The following LRRC34 variants were observed in gnomAD, a reference collection of about 807,000 sequenced individuals.
LRRC34 encodes the protein leucine-rich repeat-containing protein 34.
A neutral mutation model predicts 48.5 loss-of-function variants in LRRC34; 44 were observed. The ratio of observed to expected loss-of-function variants is 0.91; its 90% CI spans 0.71 to 1.17. LRRC34 has a LOEUF of 1.17. LRRC34 is among the 50% of genes most tolerant of loss of function. The probability of loss-of-function intolerance (pLI) is 0.00; values close to 1 mark genes in which losing one functional copy is unlikely to be tolerated. For synonymous variants in LRRC34, 192 were observed against 197.6 expected (o/e 0.97, Z 0.24); for missense variants, 502 against 563.0 (o/e 0.89, Z 1.10).
At chr3:169,811,633 GACTT>G (rs1383870527) in intron 1 of LRRC34, among the ~76,000 whole-genome samples, 1 of 152,196 alleles carries the variant, frequency 6.6e-6, no homozygotes, top group Non-Finnish European at 1.5e-5. Context: ...CCAGAGAGAG[GACTT>G]ACTTAGGAGG....
chr3:169,806,217 G>A (rs917775820), intron 5 of LRRC34, among the ~76,000 whole-genome samples: 9 of 152,162 alleles, frequency 5.9e-5, no homozygotes, highest in Admixed American at 5.2e-4. Context: ...GTTAGGACAC[G>A]TGGATATACA....
chr3:169,812,570 A>C lies in LRRC34; in HGVS notation c.-22T>G, dbSNP rs575371549. 7.5e-6 allele frequency: 11 copies of C among 1,463,124 alleles called. No individual in the cohort carries two copies. Among genetic ancestry groups the C allele is most frequent in the African/African-American group, 1.5e-5 (1 of 68,286 alleles). 90.6% of individuals were successfully genotyped at this position (1,463,124 alleles called of 1,614,324 possible). A position where few individuals can be genotyped will look rare whatever the true frequency, so the allele number is the denominator to read the frequency against. ...CCATGGCGACCGCGCGCGCACTTACAGTCCGCCTGCAGCTGTGAGGCGGCT... is the reference window on the plus strand; with the variant it reads ...CCATGGCGACCGCGCGCGCACTTACCGTCCGCCTGCAGCTGTGAGGCGGCT... On this transcript the variant is annotated 5_prime_UTR_variant, in exon 1 of 11. Transcript: ENST00000446859. The surrounding 1 kb of genome is among the most constrained non-coding windows in gnomAD (Gnocchi z 4.3).
intron 6 of LRRC34, among the ~76,000 whole-genome samples, chr3:169,801,656 T>C (rs1779197406): frequency 6.6e-6 from 1 of 152,228 alleles, no homozygotes; most frequent in Admixed American, 6.5e-5. Context: ...CATAAGCTTC[T>C]CTACTTTTAC....
At chr3:169,805,357 G>T (rs944784774) in intron 5 of LRRC34, among the ~76,000 whole-genome samples, 12 of 151,798 alleles carry the variant, frequency 7.9e-5, no homozygotes, top group Non-Finnish European at 1.5e-5. Flanking sequence ...TGCTAACAAT[G>T]AACAACCTAA....
chr3:169,811,810 C>CT (rs763750783), intron 1 of LRRC34, among the ~76,000 whole-genome samples: 6 of 152,208 alleles, frequency 3.9e-5, no homozygotes, highest in Non-Finnish European at 8.8e-5. Context: ...AAGGCAGAGC[C>CT]TAACACTGCC....
chr3:169,800,138 G>A (rs1779140346), intron 7 of LRRC34, among the ~76,000 whole-genome samples: 1 of 152,168 alleles, frequency 6.6e-6, no homozygotes, highest in Admixed American at 6.5e-5. Context: ...CTGTTTACAA[G>A]TGATAGGAGA....
Position 169,799,299 on chromosome 3 carries a change from C to G in LRRC34, c.753+1360G>C, listed in dbSNP as rs540359653. On this transcript the variant is annotated intron_variant, in intron 7 of 10. Coordinates refer to ENST00000446859, the MANE Select transcript of LRRC34 (RefSeq NM_001172779.2). ...TATCATTAATTCTCAGTGATTCATA[C>G]TAAGGGGGAACAATGAAGTAGATAA... Among the ~76,000 whole-genome samples the G allele has an allele frequency of 1.7e-3, 266 of 152,248 alleles. 1 individual carries two copies. Among genetic ancestry groups the G allele is most frequent in the African/African-American group, 6.0e-3 (250 of 41,552 alleles).
At chr3:169,803,956 G>C in intron 6 of LRRC34, 97 bp downstream of exon 6, 2 of 1,212,258 alleles carry the variant, frequency 1.6e-6, no homozygotes, top group Non-Finnish European at 2.2e-6. Context: ...TCTGATATTA[G>C]ACATAAGAGG....
In LRRC34 at chr3:169,808,526, A is replaced by T. The variant is rs549461029; in HGVS notation, c.257+102T>A. On this transcript the variant is annotated intron_variant, in intron 2 of 10. Transcript: ENST00000446859. ...ATCAAATGGTATGTTCATTTTACCA[A>T]GCATTTTCAAATGGCTATAAAATCA... is the stretch of plus-strand genomic sequence containing the variant. 13 of 672,534 alleles carry T rather than the reference A, an allele frequency of 1.9e-5. No individual in the cohort carries two copies. The South Asian group carries it at 2.2e-4, about 12-fold the overall frequency. 41.7% of individuals were successfully genotyped at this position (672,534 alleles called of 1,614,324 possible).
chr3:169,808,860 G>A, intron 1 of LRRC34, 115 bp from the exon 2 acceptor site: 1 of 594,120 alleles, frequency 1.7e-6, no homozygotes. Context: ...GTGGGGGTAG[G>A]GAAGAAAAGG....
intron 7 of LRRC34, among the ~76,000 whole-genome samples, chr3:169,800,316 C>T (rs1025181612): frequency 1.3e-5 from 2 of 152,202 alleles, no homozygotes; most frequent in African/African-American, 4.8e-5. Context: ...AAACAGTTCA[C>T]ACTGGGCTCT....
In LRRC34 at chr3:169,795,627, C is replaced by T. The variant is rs1311523556; in HGVS notation, c.1065-16G>A. On this transcript the variant is annotated splice_polypyrimidine_tract_variant and intron_variant, in intron 9 of 10. Transcript: ENST00000446859. ...TACTGACAACCTGAAACCAATAATT[C>T]CACAAGGAAAGAATACAAAAATTAG... 2 of 1,601,792 alleles carry T rather than the reference C, an allele frequency of 1.2e-6. No homozygotes were observed. Among genetic ancestry groups the T allele is most frequent in the Non-Finnish European group, 1.7e-6 (2 of 1,171,788 alleles).
chr3:169,793,375 T>C lies in LRRC34; in HGVS notation c.*260A>G, dbSNP rs1363263059. 3.3e-6 allele frequency: 1 copy of C among 300,706 alleles called. No individual in the cohort carries two copies. Among genetic ancestry groups the C allele is most frequent in the Non-Finnish European group, 6.1e-6 (1 of 164,864 alleles). 18.6% of individuals were successfully genotyped at this position (300,706 alleles called of 1,614,324 possible). ...TCACTACTTGGTTATATTTTCATTATAAAAAGAAATTTAGTCTAGTTCCTT... is the reference window on the plus strand; with the variant it reads ...TCACTACTTGGTTATATTTTCATTACAAAAAGAAATTTAGTCTAGTTCCTT... On this transcript the variant is annotated 3_prime_UTR_variant, in exon 11 of 11. Coordinates refer to ENST00000446859, the MANE Select transcript of LRRC34 (RefSeq NM_001172779.2).
At chr3:169,803,580 G>A (rs558897677) in intron 6 of LRRC34, among the ~76,000 whole-genome samples, 77 of 152,242 alleles carry the variant, frequency 5.1e-4, no homozygotes, top group African/African-American at 1.4e-3. Context: ...ACAGGCTTCC[G>A]CCACCAGGCC....
chr3:169,796,832 C>T lies in LRRC34; in HGVS notation c.821G>A (p.Cys274Tyr). The change falls in exon 8 of 11, where the codon TGT becomes TAT. Residue 274 changes from cysteine to tyrosine, a missense_variant. Transcript: ENST00000446859. ...ACCACTGTTTTTTATATCATGCTTA[C>T]ACATGTGTAGTGCAACAAGACAGTG... is the stretch of plus-strand genomic sequence containing the variant. Reference protein sequence around the residue: ...ENHCLVALHMCKHDIKNSGIQ... With the variant: ...ENHCLVALHMYKHDIKNSGIQ... 2 of 1,611,616 alleles carry T rather than the reference C, an allele frequency of 1.2e-6. No individual in the cohort carries two copies. The highest frequency in any genetic ancestry group is 1.7e-6 in the Non-Finnish European group (2 of 1,178,988).
At chr3:169,809,059 G>A (rs1223872495) in intron 1 of LRRC34, among the ~76,000 whole-genome samples, 2 of 152,100 alleles carry the variant, frequency 1.3e-5, no homozygotes, top group Non-Finnish European at 2.9e-5. Context: ...TGCCAGGCCT[G>A]GTAGCTGAGG....
At chr3:169,809,195 G>A (rs973188723) in intron 1 of LRRC34, among the ~76,000 whole-genome samples, 7 of 124,100 alleles carry the variant, frequency 5.6e-5, no homozygotes, top group Non-Finnish European at 1.2e-4. Context: ...GGGACTCAAG[G>A]TTTCTTTTTT....
At chr3:169,795,689 G>T in intron 9 of LRRC34, 78 bp from the exon 10 acceptor site, 1 of 1,519,750 alleles carries the variant, frequency 6.6e-7, no homozygotes, top group Non-Finnish European at 8.9e-7. Context: ...TGTAGTCTTA[G>T]CATTATTCTT....
At chr3:169,810,660 TC>T (rs1779529710) in intron 1 of LRRC34, among the ~76,000 whole-genome samples, 1 of 152,194 alleles carries the variant, frequency 6.6e-6, no homozygotes, top group Admixed American at 6.5e-5. Flanking sequence ...ATCAAGTAAG[TC>T]TGAGAAGTAC....
Sources: gnomAD v4.1 joint callset for allele counts (sites outside exome capture counted in the v4.1 genomes callset) on GRCh38, gnomAD v4.1.1 for gene constraint, Gnocchi (gnomAD v3.1) non-coding constraint, MANE v1.5 for transcripts, NCBI Gene and HGNC (gene_info 2026-07-23, HGNC 2026-07-21) for gene names.